Variants in ARHGAP32 observed in about 807,000 individuals in gnomAD.
The protein encoded by ARHGAP32 is rho GTPase-activating protein 32.
ARHGAP32 carries 51 observed loss-of-function variants against 186.5 expected under a neutral mutation model. That is an observed-to-expected ratio of 0.27 (90% CI 0.22 to 0.35). The LOEUF (loss-of-function observed/expected upper bound fraction) is 0.35, where lower values mean the gene tolerates loss of function less well. Among genes scored for constraint, ARHGAP32 ranks in the 10% least tolerant of loss-of-function variants. The pLI, the probability that ARHGAP32 is intolerant of heterozygous loss-of-function variation, is 1.00. For synonymous variants in ARHGAP32, 950 were observed against 964.3 expected, an observed-to-expected ratio of 0.99 and a Z score of 0.27; for missense variants, 2,186 against 2,623.5, an observed-to-expected ratio of 0.83 and a Z score of 3.64.
chr11:129,230,189 T>C (rs550162280), intron 1 of ARHGAP32, among the ~76,000 whole-genome samples: 10 of 150,544 alleles, frequency 6.6e-5, no homozygotes, highest in Admixed American at 2.7e-4. Context: ...GTGGCACTCT[T>C]GTAAAAGAAA....
intron 11 of ARHGAP32, among the ~76,000 whole-genome samples, chr11:129,013,360 G>A (rs2134840716): frequency 6.6e-6 from 1 of 152,334 alleles, no homozygotes; most frequent in East Asian, 1.9e-4. Flanking sequence ...GTGAGTGGGA[G>A]GGGTGGATAT....
At chr11:129,220,969 G>A (rs934178514) in intron 1 of ARHGAP32, among the ~76,000 whole-genome samples, 2 of 152,026 alleles carry the variant, frequency 1.3e-5, no homozygotes, top group Admixed American at 6.6e-5. Context: ...AGATTCTCTA[G>A]GGATAAAGAG....
chr11:129,074,988 A>G (rs558568713), intron 6 of ARHGAP32, among the ~76,000 whole-genome samples: 11 of 152,320 alleles, frequency 7.2e-5, no homozygotes, highest in South Asian at 6.2e-4. Flanking sequence ...ACATATCAAA[A>G]TATCACATTC....
chr11:129,061,653 G>A (rs574736493), intron 10 of ARHGAP32, among the ~76,000 whole-genome samples: 1 of 152,292 alleles, frequency 6.6e-6, no homozygotes, highest in East Asian at 1.9e-4. Context: ...ACAAAGGGAT[G>A]ATTCACGTCC....
Position 128,974,831 on chromosome 11 carries a change from G to A in ARHGAP32, c.2366C>T (p.Pro789Leu). ...CAAGTCAACATCCTCAGCTGAATGA[G>A]GAGACATAAGGGCTGGGATATGAAG... Reference protein sequence around the residue: ...GLLHIPALMSPHSAEDVDLSP... With the variant: ...GLLHIPALMSLHSAEDVDLSP... The change falls in exon 21 of 23, where the codon CCT becomes CTT. Residue 789 changes from proline (P) to leucine (L), a missense_variant. Coordinates refer to ENST00000682385, the MANE Select transcript of ARHGAP32 (RefSeq NM_001378024.1). 1 of 1,614,094 alleles carries A rather than the reference G, an allele frequency of 6.2e-7. No homozygotes were observed. The highest frequency in any genetic ancestry group is 2.2e-5 in the East Asian group (1 of 44,878).
chr11:129,100,211 A>G (rs898191520), intron 5 of ARHGAP32, among the ~76,000 whole-genome samples: 3 of 152,198 alleles, frequency 2.0e-5, no homozygotes, highest in Non-Finnish European at 2.9e-5. Flanking sequence ...TCAACTTGCA[A>G]CCATAGGTGG....
chr11:129,010,636 G>A (rs1350237759), intron 11 of ARHGAP32, among the ~76,000 whole-genome samples: 1 of 152,056 alleles, frequency 6.6e-6, no homozygotes, highest in African/African-American at 2.4e-5. Context: ...TCTCTATTCT[G>A]GGAAAACAAT....
chr11:128,970,811 C>A lies in ARHGAP32; in HGVS notation c.4402G>T (p.Ala1468Ser). 6.2e-7 allele frequency: 1 copy of A among 1,614,160 alleles called. No individual in the cohort carries two copies. The highest frequency in any genetic ancestry group is 1.1e-5 in the South Asian group (1 of 91,084). Residue 1468 changes from alanine (A) to serine (S), a missense_variant, in exon 23 of 23, where the codon GCA becomes TCA. Transcript: ENST00000682385. The surrounding 1 kb of genome is among the most constrained non-coding windows in gnomAD (Gnocchi z 5.8). Reference protein sequence around the residue: ...VTASSTSVDDALPLPLPVPQP... With the variant: ...VTASSTSVDDSLPLPLPVPQP... ...GGGACAGGAAGTGGTAAAGGCAATG[C>A]ATCGTCCACAGAGGTGGATGAAGCA...
chr11:129,267,433 T>C (rs1478343136), intron 1 of ARHGAP32, among the ~76,000 whole-genome samples: 3 of 152,186 alleles, frequency 2.0e-5, no homozygotes, highest in Admixed American at 6.5e-5. Context: ...TAGGTTATTA[T>C]GAAGTTTTAT....
intron 11 of ARHGAP32, among the ~76,000 whole-genome samples, chr11:129,035,994 G>A (rs1294436030): frequency 6.6e-6 from 1 of 152,096 alleles, no homozygotes; most frequent in Admixed American, 6.6e-5. Flanking sequence ...ATACAAACCT[G>A]TTTTCCAGAA....
intron 1 of ARHGAP32, among the ~76,000 whole-genome samples, chr11:129,211,392 TATCAATATTTACTATATA>T (rs1396685653): frequency 2.0e-5 from 3 of 152,176 alleles, no homozygotes; most frequent in Non-Finnish European, 4.4e-5. Context: ...TTTGAACCAA[TATCAATATTTACTATATA>T]TTCCTTTAGA....
Position 128,972,921 on chromosome 11 carries a change from A to T in ARHGAP32, c.3585T>A (p.Ser1195Arg). Residue 1195 changes from serine (S) to arginine (R), a missense_variant, in exon 22 of 23, where the codon AGT becomes AGA. By Grantham distance (110) the Ser-to-Arg change is moderately radical (BLOSUM62 -1). Around this residue, in one of 5 missense-constraint regions of ARHGAP32, gnomAD observed 1,502 missense variants for 1,570.0 expected, o/e 0.96. Coordinates refer to ENST00000682385, the MANE Select transcript of ARHGAP32 (RefSeq NM_001378024.1). ...TCTTCCCAGACTGGTCTTCAGGGAA[A>T]CTTACATGATCATCAGACTTCTCTG... ...LDSEKSDDHV[S>R]FPEDQSGKNS... 3.7e-6 allele frequency: 6 copies of T among 1,614,038 alleles called. No individual in the cohort carries two copies. Among genetic ancestry groups the T allele is most frequent in the Non-Finnish European group, 5.1e-6 (6 of 1,180,026 alleles).
intron 5 of ARHGAP32, among the ~76,000 whole-genome samples, chr11:129,117,766 TC>T (rs912615090): frequency 2.6e-5 from 4 of 151,188 alleles, no homozygotes; most frequent in African/African-American, 9.7e-5. Flanking sequence ...CATATCCTTT[TC>T]CCCCCCTACA....
chr11:129,036,474 AC>A (rs1283485000), intron 11 of ARHGAP32, among the ~76,000 whole-genome samples: 1 of 152,090 alleles, frequency 6.6e-6, no homozygotes, highest in Non-Finnish European at 1.5e-5. Flanking sequence ...AGTTTTAAAA[AC>A]CCAATTTATA....
intron 6 of ARHGAP32, among the ~76,000 whole-genome samples, chr11:129,092,107 ACTAT>A (rs1220218133): frequency 1.3e-5 from 2 of 152,022 alleles, no homozygotes; most frequent in African/African-American, 2.4e-5. Flanking sequence ...CAGGAAACGA[ACTAT>A]CTATCTAGGT....
intron 11 of ARHGAP32, among the ~76,000 whole-genome samples, chr11:129,012,777 A>G (rs942453552): frequency 6.6e-6 from 1 of 152,256 alleles, no homozygotes; most frequent in Non-Finnish European, 1.5e-5. Flanking sequence ...CTGCAGCAGT[A>G]GTCTGCCATA....
intron 12 of ARHGAP32, among the ~76,000 whole-genome samples, chr11:128,991,293 C>T (rs1313624234): frequency 1.3e-5 from 2 of 151,930 alleles, no homozygotes; most frequent in African/African-American, 2.4e-5. Context: ...AATGTCTACA[C>T]AAAAATCACA....
intron 11 of ARHGAP32, among the ~76,000 whole-genome samples, chr11:129,007,853 A>T (rs1255781912): frequency 4.6e-5 from 7 of 152,202 alleles, no homozygotes; most frequent in Non-Finnish European, 8.8e-5. Flanking sequence ...GCCCCAGAGC[A>T]CTTTAGCTTG....
At chr11:129,071,702 C>G (rs1054286622) in intron 6 of ARHGAP32, among the ~76,000 whole-genome samples, 5 of 151,982 alleles carry the variant, frequency 3.3e-5, no homozygotes, top group African/African-American at 4.8e-5. Flanking sequence ...CTCAATAATC[C>G]CACATCTAGA....
Sources: allele counts gnomAD v4.1 joint callset (sites outside exome capture counted in the v4.1 genomes callset), GRCh38; gene constraint gnomAD v4.1.1; regional missense constraint gnomAD v4.1.1; non-coding constraint Gnocchi (gnomAD v3.1); transcripts MANE v1.5; gene names NCBI Gene and HGNC (gene_info 2026-07-23, HGNC 2026-07-21).